Variants in UPF2 observed in about 807,000 individuals in gnomAD.
The protein encoded by UPF2 is regulator of nonsense transcripts 2.
A neutral mutation model predicts 141.4 loss-of-function variants in UPF2; 17 were observed. The observed-to-expected ratio is 0.12, with a 90% CI of 0.08 to 0.18. The LOEUF (loss-of-function observed/expected upper bound fraction) is 0.18, where lower values mean the gene tolerates loss of function less well. Ranked by LOEUF, UPF2 falls within the 10% of genes least tolerant of loss-of-function variation. UPF2 has a pLI of 1.00. For synonymous variants in UPF2, 540 were observed against 498.0 expected (o/e 1.08, Z -1.12); for missense variants, 1,152 against 1,515.9 (o/e 0.76, Z 3.99).
At chr10:11,985,380 G>GTAATCC (rs1331143224) in intron 8 of UPF2, among the ~76,000 whole-genome samples, 3 of 152,136 alleles carry the variant, frequency 2.0e-5, no homozygotes, top group African/African-American at 7.2e-5. Context: ...GCTCACGCCT[G>GTAATCC]TAATCCCAGC....
chr10:12,042,943 G>C (rs549937022), upstream of UPF2: 1 of 152,278 alleles, frequency 6.6e-6, no homozygotes, highest in Admixed American at 6.5e-5. This position sits in a 1 kb window ranked among gnomAD's most constrained non-coding sequence, Gnocchi z 5.5. Context: ...GTGGGGGCGG[G>C]GCGGAAGGAG....
At chr10:12,023,510 T>TAAAAAAAAAA (rs762703531) in intron 3 of UPF2, among the ~76,000 whole-genome samples, 15 of 117,250 alleles carry the variant, frequency 1.3e-4, no homozygotes, top group African/African-American at 2.9e-4. Flanking sequence ...CTGTCTCTAC[T>TAAAAAAAAAA]AAAAAAAAAA....
intron 3 of UPF2, among the ~76,000 whole-genome samples, chr10:12,025,285 T>A (rs1412111483): frequency 6.6e-6 from 1 of 152,180 alleles, no homozygotes; most frequent in Non-Finnish European, 1.5e-5. Context: ...GCACGGTGGC[T>A]GACGCCTGTA....
intron 2 of UPF2, among the ~76,000 whole-genome samples, chr10:12,030,398 G>A (rs900145733): frequency 6.6e-6 from 1 of 151,972 alleles, no homozygotes; most frequent in Non-Finnish European, 1.5e-5. Flanking sequence ...GCCAGTCGTG[G>A]TGGTGGGCAC....
At chr10:11,969,219 G>A (rs1193033528) in intron 9 of UPF2, among the ~76,000 whole-genome samples, 1 of 151,392 alleles carries the variant, frequency 6.6e-6, no homozygotes, top group Non-Finnish European at 1.5e-5. Flanking sequence ...TCAGGCTGGA[G>A]TGCAATGGCG....
Position 11,926,944 on chromosome 10 carries a change from G to A in UPF2, c.3809+2921C>T, listed in dbSNP as rs569101329. Among the ~76,000 whole-genome samples, 10 of 152,268 alleles carry A rather than the reference G, an allele frequency of 6.6e-5. No homozygotes were observed. The South Asian group carries it at 1.9e-3, about 28-fold the overall frequency. ...TACCTCTGTTCACACGCACGTCGAT[G>A]ACAGCACACACATGCTCACGTCGAT... On this transcript the variant is annotated intron_variant, in intron 21 of 21. Transcript: ENST00000357604.
intron 6 of UPF2, among the ~76,000 whole-genome samples, chr10:12,001,281 G>GCCCC (rs1437250925): frequency 6.6e-6 from 1 of 152,070 alleles, no homozygotes; most frequent in Non-Finnish European, 1.5e-5. Context: ...GGGCATGGTG[G>GCCCC]CAGGCAGCTG....
chr10:12,036,431 G>T (rs1177577585), intron 1 of UPF2, among the ~76,000 whole-genome samples: 3 of 152,176 alleles, frequency 2.0e-5, no homozygotes, highest in Non-Finnish European at 4.4e-5. Flanking sequence ...TTGAAATTCA[G>T]TTCTTCAGTC....
rs1229892041 is a variant in UPF2 at position 11,952,248 on chromosome 10, C to T, written c.2852G>A (p.Arg951His). Residue 951 changes from arginine (R) to histidine (H), a missense_variant and splice_region_variant, in exon 15 of 22, where the codon CGT (arginine) becomes CAT (histidine). Physicochemically the swap from Arg to His is conservative, Grantham distance 29. Around this residue, in one of 4 missense-constraint regions of UPF2, gnomAD observed 739 missense variants for 1,032.2 expected, o/e 0.72. Transcript: ENST00000357604. ...KLDCFLVYFQ[R>H]YVWWKKSLEV... ...CAAACTTTTCTTCCACCAAACATAA[C>T]GCTGATAACAAATGAAAAATAAATT... is the stretch of plus-strand genomic sequence containing the variant. 1.3e-6 allele frequency: 2 copies of T among 1,577,400 alleles called. No homozygotes were observed. Among genetic ancestry groups the T allele is most frequent in the Non-Finnish European group, 1.7e-6 (2 of 1,168,358 alleles).
rs571127005 is a variant in UPF2 at position 12,041,730 on chromosome 10, T to C, written c.-19+1025A>G. Among the ~76,000 whole-genome samples, 77 of 152,314 alleles carry C rather than the reference T, an allele frequency of 5.1e-4. No homozygotes were observed. In the South Asian group the frequency reaches 0.011, roughly 22 times the overall value. On this transcript the variant is annotated intron_variant, in intron 1 of 21. Coordinates refer to ENST00000357604, the MANE Select transcript of UPF2 (RefSeq NM_015542.4). ...TTCTGACTTTATTTTTTAAAGAACA[T>C]CCTTAGTATAAAGGACGTATTAAGA...
Position 11,931,787 on chromosome 10 carries a change from G to C in UPF2, c.3547-5C>G. ...GGGTACATTAAGGATCTTAAACTGG[G>C]AGAAAATAACAAAGGAGTTACAAAT... On this transcript the variant is annotated splice_polypyrimidine_tract_variant and splice_region_variant and intron_variant, in intron 19 of 21. Transcript: ENST00000357604. The surrounding 1 kb of genome is among the most constrained non-coding windows in gnomAD (Gnocchi z 5.9). The C allele has an allele frequency of 3.8e-6, 6 of 1,585,910 alleles. No homozygotes were observed. Among genetic ancestry groups the C allele is most frequent in the Non-Finnish European group, 4.3e-6 (5 of 1,173,120 alleles).
At chr10:12,013,037 C>T (rs1447974177) in intron 4 of UPF2, among the ~76,000 whole-genome samples, 1 of 150,014 alleles carries the variant, frequency 6.7e-6, no homozygotes, top group African/African-American at 2.5e-5. Flanking sequence ...ACGCAGGAGA[C>T]TCATTTGAGC....
Position 11,936,427 on chromosome 10 carries a change from T to A in UPF2, c.3546+118A>T, listed in dbSNP as rs1832851717. On this transcript the variant is annotated intron_variant, in intron 19 of 21. Coordinates refer to ENST00000357604, the MANE Select transcript of UPF2 (RefSeq NM_015542.4). This position sits in a 1 kb window ranked among gnomAD's most constrained non-coding sequence, Gnocchi z 6.6. ...AAAACTATATAAGGGAAGAAATTAT[T>A]CTACCACTGAATGGTTTAAAACTGT... 1 of 1,059,446 alleles carries A rather than the reference T, an allele frequency of 9.4e-7. No individual in the cohort carries two copies. The highest frequency in any genetic ancestry group is 1.6e-5 in the African/African-American group (1 of 61,034). The allele number at this position is 1,059,446 out of a possible 1,614,324, so 65.6% of individuals were successfully genotyped here.
intron 3 of UPF2, 77 bp downstream of exon 3, chr10:12,028,668 T>C (rs943678785): frequency 3.3e-5 from 47 of 1,429,786 alleles, no homozygotes; most frequent in Non-Finnish European, 3.9e-5. Context: ...GTTCTTTCAG[T>C]GGCATGAAGA....
At chr10:12,015,494 G>A (rs1834201962) in intron 3 of UPF2, among the ~76,000 whole-genome samples, 1 of 152,198 alleles carries the variant, frequency 6.6e-6, no homozygotes, top group African/African-American at 2.4e-5. Flanking sequence ...CTGAGGTCAG[G>A]AGTTTGAGAC....
chr10:11,956,823 G>GT lies in UPF2; in HGVS notation c.2371-301dup, dbSNP rs1406155952. On this transcript the variant is annotated intron_variant, in intron 12 of 21. Transcript: ENST00000357604. This position sits in a 1 kb window ranked among gnomAD's most constrained non-coding sequence, Gnocchi z 4.2. ...ATATCCAATCAGGAGTTTGGAGTAG[G>GT]TTTCTTTTTCCCCCCCAGACACAGT... 1.5e-3 allele frequency among the ~76,000 whole-genome samples: 234 copies of GT among 152,010 alleles called. 1 individual carries two copies. Among genetic ancestry groups the GT allele is most frequent in the African/African-American group, 5.2e-3 (216 of 41,448 alleles).
At chr10:12,017,908 G>T (rs1181079400) in intron 3 of UPF2, among the ~76,000 whole-genome samples, 3 of 152,014 alleles carry the variant, frequency 2.0e-5, no homozygotes, top group Non-Finnish European at 4.4e-5. Context: ...CCAACCCCCA[G>T]ATTTTTTCTT....
chr10:11,924,907 C>T (rs1297990657), intron 21 of UPF2, among the ~76,000 whole-genome samples: 1 of 152,166 alleles, frequency 6.6e-6, no homozygotes, highest in Non-Finnish European at 1.5e-5. Context: ...GCAACCTCAC[C>T]TCCCAGGTTC....
At chr10:11,966,128 C>T (rs989434155) in intron 10 of UPF2, among the ~76,000 whole-genome samples, 1 of 152,044 alleles carries the variant, frequency 6.6e-6, no homozygotes, top group Non-Finnish European at 1.5e-5. Flanking sequence ...GTAAATAATC[C>T]ATAGGCATTT....
Sources: gnomAD v4.1 joint callset for allele counts (sites outside exome capture counted in the v4.1 genomes callset) on GRCh38, gnomAD v4.1.1 for gene constraint, gnomAD v4.1.1 regional missense constraint, Gnocchi (gnomAD v3.1) non-coding constraint, MANE v1.5 for transcripts, NCBI Gene and HGNC (gene_info 2026-07-23, HGNC 2026-07-21) for gene names.